The following SSBP3 variants were observed in gnomAD, a reference collection of about 807,000 sequenced individuals.
The protein encoded by SSBP3 is single-stranded DNA-binding protein 3.
SSBP3 carries 5 observed loss-of-function variants against 69.6 expected under a neutral mutation model. The ratio of observed to expected loss-of-function variants is 0.07; its 90% CI spans 0.04 to 0.15. SSBP3 has a LOEUF of 0.15. Among genes scored for constraint, SSBP3 ranks in the 10% least tolerant of loss-of-function variants. SSBP3 has a pLI of 1.00. For missense variants in SSBP3, 312 were observed against 534.0 expected (o/e 0.58, Z 4.10); for synonymous variants, 196 against 193.4 (o/e 1.01, Z -0.11).
chr1:54,297,380 G>A (rs141829191), intron 4 of SSBP3, among the ~76,000 whole-genome samples: 7,138 of 152,228 alleles, frequency 0.047, 440 homozygotes, highest in Admixed American at 0.18. Flanking sequence ...CTGTAATCCC[G>A]GCACTTTGGG....
intron 9 of SSBP3, among the ~76,000 whole-genome samples, chr1:54,247,091 AG>A (rs1345190596): frequency 3.3e-5 from 5 of 152,340 alleles, no homozygotes; most frequent in Non-Finnish European, 5.9e-5. Flanking sequence ...CCACTGTCTC[AG>A]CTTTGCACTC....
intron 14 of SSBP3, chr1:54,238,681 G>GCA (rs1242892593): frequency 1.6e-5 from 5 of 313,054 alleles, no homozygotes; most frequent in Non-Finnish European, 3.3e-5. Context: ...GCTCCTGGCA[G>GCA]CAGCACAGGC....
chr1:54,228,234 C>A (rs1360143767), intron 17 of SSBP3, 21 bp downstream of exon 17: 14 of 1,609,730 alleles, frequency 8.7e-6, no homozygotes, highest in African/African-American at 1.3e-5. Flanking sequence ...ACGAGAGCAA[C>A]AGGCAGGGGG....
intron 5 of SSBP3, among the ~76,000 whole-genome samples, chr1:54,281,000 C>T (rs978210309): frequency 1.3e-5 from 2 of 152,012 alleles, no homozygotes; most frequent in African/African-American, 4.8e-5. Context: ...TAAGATTACG[C>T]CTAAGGTTTG....
rs11360989 is a variant in SSBP3, at chr1:54,330,705, C to CA, written c.277-49179dup. On this transcript the variant is annotated intron_variant, in intron 4 of 17. Transcript: ENST00000610401. The stretch of plus-strand genomic sequence containing the variant: ...TCTCAACGCTCCAACCTTGTGCAGT[C>CA]AAAAAAAAATCCCTTTCAGAGCCTA... 4.5e-3 allele frequency among the ~76,000 whole-genome samples: 678 copies of CA among 151,376 alleles called. 6 individuals are homozygous for CA. Among genetic ancestry groups the CA allele is most frequent in the African/African-American group, 0.016 (647 of 41,388 alleles).
chr1:54,231,070 A>AT (rs1379959991), intron 14 of SSBP3, among the ~76,000 whole-genome samples: 1 of 152,064 alleles, frequency 6.6e-6, no homozygotes, highest in Non-Finnish European at 1.5e-5. Context: ...CCCAATTACC[A>AT]TATCACAGCA....
chr1:54,225,698 G>A (rs925972034), exon 18 of SSBP3: 10 of 190,252 alleles, frequency 5.3e-5, no homozygotes, highest in African/African-American at 2.3e-4. Flanking sequence ...AAGGAGAAGG[G>A]CATGTCAATG....
intron 4 of SSBP3, among the ~76,000 whole-genome samples, chr1:54,339,261 T>C (rs997007482): frequency 1.3e-5 from 2 of 152,202 alleles, no homozygotes; most frequent in Non-Finnish European, 2.9e-5. Context: ...ATGGAAAGCA[T>C]AGTTAAGATT....
chr1:54,253,174 G>GT (rs5774180), intron 7 of SSBP3, among the ~76,000 whole-genome samples: 73,437 of 134,254 alleles, frequency 0.55, 20,249 homozygotes, highest in South Asian at 0.73. Flanking sequence ...ATTTGTTTTT[G>GT]TTTTTTTTTT....
At chr1:54,335,079 A>G (rs993006377) in intron 4 of SSBP3, among the ~76,000 whole-genome samples, 1 of 152,314 alleles carries the variant, frequency 6.6e-6, no homozygotes, top group East Asian at 1.9e-4. Context: ...CTCAGAACTA[A>G]GGTGACAGCC....
At chr1:54,265,756 C>G (rs1645090646) in intron 5 of SSBP3, among the ~76,000 whole-genome samples, 1 of 152,228 alleles carries the variant, frequency 6.6e-6, no homozygotes, top group Non-Finnish European at 1.5e-5. Context: ...CCACCAAGGT[C>G]CACTCCTTGC....
intron 4 of SSBP3, among the ~76,000 whole-genome samples, chr1:54,374,224 G>A (rs1647180372): frequency 6.6e-6 from 1 of 152,220 alleles, no homozygotes; most frequent in Non-Finnish European, 1.5e-5. Flanking sequence ...GTGTGCGGAG[G>A]CAGGTGGCCG....
intron 4 of SSBP3, among the ~76,000 whole-genome samples, chr1:54,375,182 C>CCGCA: frequency 6.6e-6 from 1 of 152,312 alleles, no homozygotes; most frequent in East Asian, 1.9e-4. Context: ...CTGGAGGGCT[C>CCGCA]CGCAGCACAA....
chr1:54,250,733 A>T (rs1220511345), intron 9 of SSBP3, among the ~76,000 whole-genome samples: 3 of 152,178 alleles, frequency 2.0e-5, no homozygotes, highest in African/African-American at 7.2e-5. Flanking sequence ...GTTAGGGGCT[A>T]GAGAATTCCC....
intron 4 of SSBP3, among the ~76,000 whole-genome samples, chr1:54,324,080 G>C (rs917211658): frequency 6.6e-6 from 1 of 152,218 alleles, no homozygotes; most frequent in Non-Finnish European, 1.5e-5. Flanking sequence ...GGAGCCCAGA[G>C]GTTAAGCGTG....
intron 4 of SSBP3, among the ~76,000 whole-genome samples, chr1:54,298,514 G>A (rs1467820887): frequency 6.6e-6 from 1 of 152,098 alleles, no homozygotes; most frequent in Non-Finnish European, 1.5e-5. Context: ...CAGTGCCAGA[G>A]GCCACCCGGC....
chr1:54,267,546 C>T (rs1463386689), intron 5 of SSBP3, among the ~76,000 whole-genome samples: 1 of 152,160 alleles, frequency 6.6e-6, no homozygotes, highest in Non-Finnish European at 1.5e-5. Flanking sequence ...GCAGAATGAA[C>T]AGGTGTCTCC....
At chr1:54,324,100 T>C (rs529374944) in intron 4 of SSBP3, among the ~76,000 whole-genome samples, 3 of 152,334 alleles carry the variant, frequency 2.0e-5, no homozygotes, top group East Asian at 3.9e-4. Context: ...GTTGCCTGCG[T>C]TCCTGAGGTT....
At chr1:54,347,605 C>G (rs1385016634) in intron 4 of SSBP3, among the ~76,000 whole-genome samples, 1 of 152,160 alleles carries the variant, frequency 6.6e-6, no homozygotes, top group Non-Finnish European at 1.5e-5. Flanking sequence ...CATCCTTTTG[C>G]AAGTATCACT....
Sources: gnomAD v4.1 joint callset for allele counts (sites outside exome capture counted in the v4.1 genomes callset) on GRCh38, gnomAD v4.1.1 for gene constraint, MANE v1.5 for transcripts, NCBI Gene and HGNC (gene_info 2026-07-23, HGNC 2026-07-21) for gene names.